FREM3: variants seen among roughly 807,000 people sequenced by gnomAD.
FREM3 encodes the protein FRAS1-related extracellular matrix protein 3.
FREM3 carries 105 observed loss-of-function variants against 129.1 expected under a neutral mutation model. The ratio of observed to expected loss-of-function variants is 0.81; its 90% CI spans 0.69 to 0.96. The LOEUF is 0.96. Ranked by LOEUF, FREM3 falls within the 40% of genes least tolerant of loss-of-function variation. FREM3 has a pLI of 0.00. For missense variants in FREM3, 2,593 were observed against 2,666.3 expected, an observed-to-expected ratio of 0.97 and a Z score of 0.61; for synonymous variants, 1,014 against 1,044.9, an observed-to-expected ratio of 0.97 and a Z score of 0.57.
At chr4:143,693,454 G>A (rs986611091) in intron 1 of FREM3, among the ~76,000 whole-genome samples, 1 of 152,128 alleles carries the variant, frequency 6.6e-6, no homozygotes, top group Non-Finnish European at 1.5e-5. Flanking sequence ...AATAACAGAT[G>A]CTGGGTGAGA....
At chr4:143,606,044 G>T (rs184292877) in intron 6 of FREM3, among the ~76,000 whole-genome samples, 2 of 152,012 alleles carry the variant, frequency 1.3e-5, no homozygotes, top group Admixed American at 6.6e-5. Flanking sequence ...TCAGTTTTTT[G>T]TTCACTTATT....
chr4:143,670,490 A>G (rs992805570), intron 2 of FREM3, among the ~76,000 whole-genome samples: 5 of 152,176 alleles, frequency 3.3e-5, no homozygotes, highest in African/African-American at 1.2e-4. Flanking sequence ...TTTTAAATTT[A>G]TCTGTGAATT....
chr4:143,619,843 G>T (rs560820204), intron 5 of FREM3, among the ~76,000 whole-genome samples: 1 of 151,962 alleles, frequency 6.6e-6, no homozygotes, highest in Admixed American at 6.5e-5. Flanking sequence ...TGCACCATCA[G>T]TGTTTACAAA....
Position 143,585,018 on chromosome 4 carries a change from T to C in FREM3, c.6178+826A>G, listed in dbSNP as rs1471599760. Among the ~76,000 whole-genome samples, 3 of 152,234 alleles carry C rather than the reference T, an allele frequency of 2.0e-5. No individual in the cohort carries two copies. The highest frequency in any genetic ancestry group is 6.5e-5 in the Admixed American group (1 of 15,284). On this transcript the variant is annotated intron_variant, in intron 7 of 7. Transcript: ENST00000329798. The surrounding 1 kb of genome is among the most constrained non-coding windows in gnomAD (Gnocchi z 4.2). ...ACATGGAAATTAAACAGCCTGCTCC[T>C]GAATGACTTCTGGGTAAACAATGTA...
chr4:143,664,888 A>T (rs1218373417), intron 2 of FREM3, among the ~76,000 whole-genome samples: 1 of 149,640 alleles, frequency 6.7e-6, no homozygotes, highest in East Asian at 1.9e-4. Context: ...AGGACCCTCC[A>T]AGTCAGGTGC....
intron 1 of FREM3, among the ~76,000 whole-genome samples, chr4:143,694,566 A>C (rs1162716923): frequency 6.6e-6 from 1 of 152,126 alleles, no homozygotes; most frequent in African/African-American, 2.4e-5. Flanking sequence ...ACCACATATG[A>C]TTTTATTGTT....
chr4:143,694,311 T>C (rs1018315507), intron 1 of FREM3, among the ~76,000 whole-genome samples: 2 of 152,172 alleles, frequency 1.3e-5, no homozygotes, highest in African/African-American at 4.8e-5. Context: ...TGCACAAGTA[T>C]AGAGCTTGAC....
intron 2 of FREM3, among the ~76,000 whole-genome samples, chr4:143,678,521 C>T (rs1479414800): frequency 1.3e-5 from 2 of 151,570 alleles, no homozygotes; most frequent in South Asian, 2.1e-4. Context: ...GCACATGTAC[C>T]CTAGAACTGA....
chr4:143,644,056 A>G (rs138450039), intron 2 of FREM3, among the ~76,000 whole-genome samples: 154 of 152,296 alleles, frequency 1.0e-3, no homozygotes, highest in African/African-American at 3.3e-3. Context: ...ATAATTTAAC[A>G]TAGGATACTG....
At chr4:143,621,606 T>C (rs1378457608) in intron 4 of FREM3, among the ~76,000 whole-genome samples, 1 of 152,246 alleles carries the variant, frequency 6.6e-6, no homozygotes, top group African/African-American at 2.4e-5. Context: ...TTAACATTTA[T>C]TGAGCAGACA....
At chr4:143,664,135 C>A (rs937092230) in intron 2 of FREM3, among the ~76,000 whole-genome samples, 1 of 152,158 alleles carries the variant, frequency 6.6e-6, no homozygotes, top group African/African-American at 2.4e-5. Context: ...TGAGGAACTG[C>A]ATTCCTTTGG....
chr4:143,578,183 C>T (rs1321236960), intron 7 of FREM3, among the ~76,000 whole-genome samples: 1 of 152,110 alleles, frequency 6.6e-6, no homozygotes. Context: ...AAAGGATTTG[C>T]CTTTTTAATT....
chr4:143,666,329 T>C (rs985388104), intron 2 of FREM3, among the ~76,000 whole-genome samples: 4 of 152,154 alleles, frequency 2.6e-5, no homozygotes, highest in African/African-American at 9.6e-5. Flanking sequence ...TTTGGCAGTT[T>C]CTAAAAAAGC....
At position 143,697,095 on chromosome 4, in the gene FREM3, G is replaced by T; in HGVS notation, c.3581C>A (p.Pro1194His). ...CTTAAACTCATGGGCAAAAAGTTTA[G>T]GCTGCTCATCATTGGTGGGTAGGAT... The part of the protein sequence containing the change: ...IIILPTNDEQ[P>H]KLFAHEFKVL... The change falls in exon 1 of 8, where the codon CCT (proline) becomes CAT (histidine). Residue 1194 changes from proline to histidine, a missense_variant. By Grantham distance (77) the Pro-to-His change is moderately conservative. Coordinates refer to ENST00000329798, the MANE Select transcript of FREM3 (RefSeq NM_001168235.2). 6.5e-7 allele frequency: 1 copy of T among 1,537,792 alleles called. No individual in the cohort carries two copies. Among genetic ancestry groups the T allele is most frequent in the Non-Finnish European group, 8.7e-7 (1 of 1,147,026 alleles).
chr4:143,578,219 A>G (rs1738073622), intron 7 of FREM3, among the ~76,000 whole-genome samples: 1 of 152,218 alleles, frequency 6.6e-6, no homozygotes. Flanking sequence ...TAAATGTAAT[A>G]CATTTTATTT....
intron 2 of FREM3, among the ~76,000 whole-genome samples, chr4:143,678,656 CT>C (rs1287963357): frequency 5.3e-5 from 8 of 151,980 alleles, no homozygotes; most frequent in Admixed American, 1.3e-4. Flanking sequence ...ATCAATATTT[CT>C]GGTGCTAAGA....
intron 2 of FREM3, among the ~76,000 whole-genome samples, chr4:143,685,768 C>T (rs1161883838): frequency 6.6e-6 from 1 of 151,910 alleles, no homozygotes; most frequent in African/African-American, 2.4e-5. Context: ...GAACAGAAAA[C>T]CAAACACAGC....
rs886294459 is a variant in FREM3 at position 143,585,203 on chromosome 4, A to G, written c.6178+641T>C. On this transcript the variant is annotated intron_variant, in intron 7 of 7. Coordinates refer to ENST00000329798, the MANE Select transcript of FREM3 (RefSeq NM_001168235.2). This position sits in a 1 kb window ranked among gnomAD's most constrained non-coding sequence, Gnocchi z 4.2. ...AAAGATATAAAATTAACAACCTAACACCACACCAAAAGGTCACAACTGCAA... is the reference window on the plus strand; with the variant it reads ...AAAGATATAAAATTAACAACCTAACGCCACACCAAAAGGTCACAACTGCAA... Among the ~76,000 whole-genome samples, 1 of 152,258 alleles carries G rather than the reference A, an allele frequency of 6.6e-6. No homozygotes were observed. The highest frequency in any genetic ancestry group is 2.4e-5 in the African/African-American group (1 of 41,466).
rs144159830 is a variant in FREM3, at chr4:143,577,859, A to G, written c.6179-7T>C. The G allele has an allele frequency of 6.5e-7, 1 of 1,533,014 alleles. No individual in the cohort carries two copies. Among genetic ancestry groups the G allele is most frequent in the East Asian group, 2.4e-5 (1 of 40,886 alleles). The allele number at this position is 1,533,014 out of a possible 1,614,324, so 95.0% of individuals were successfully genotyped here. On this transcript the variant is annotated splice_region_variant and splice_polypyrimidine_tract_variant and intron_variant, in intron 7 of 7. Coordinates refer to ENST00000329798, the MANE Select transcript of FREM3 (RefSeq NM_001168235.2). ...CCAACATAATCTGTTCCAGCTAGTGAAAAAGGAAAAGGCACTGGTGAGACA... is the reference window on the plus strand; with the variant it reads ...CCAACATAATCTGTTCCAGCTAGTGGAAAAGGAAAAGGCACTGGTGAGACA...
Sources: allele counts gnomAD v4.1 joint callset (sites outside exome capture counted in the v4.1 genomes callset), GRCh38; gene constraint gnomAD v4.1.1; non-coding constraint Gnocchi (gnomAD v3.1); transcripts MANE v1.5; gene names NCBI Gene and HGNC (gene_info 2026-07-23, HGNC 2026-07-21).